Variants in NRXN3 observed in about 807,000 individuals in gnomAD.
NRXN3 encodes the protein neurexin 3, also known as neurexin III.
A neutral mutation model predicts 137.6 loss-of-function variants in NRXN3; 32 were observed. That is an observed-to-expected ratio of 0.23 (90% CI 0.18 to 0.31). NRXN3 has a LOEUF of 0.31. Ranked by LOEUF, NRXN3 falls within the 10% of genes least tolerant of loss-of-function variation. The pLI, the probability that NRXN3 is intolerant of heterozygous loss-of-function variation, is 1.00. For missense variants in NRXN3, 1,574 were observed against 2,062.5 expected (o/e 0.76, Z 4.59); for synonymous variants, 798 against 784.5 (o/e 1.02, Z -0.29).
rs750755766 is a variant in NRXN3 at position 78,957,255 on chromosome 14, G to A, written c.2289G>A (p.Glu763=). 34 of 1,613,950 alleles carry A rather than the reference G, an allele frequency of 2.1e-5. No homozygotes were observed. The Admixed American group carries it at 5.7e-4, about 27-fold the overall frequency. The part of the protein sequence containing the change: ...RINCNSSKGP[E]TLYAGQKLND... ...TACCATCCTTAGGCAAAGGACCAGA[G>A]ACCTTGTATGCAGGGCAGAAGCTCA... Residue 763 remains glutamate, a synonymous_variant, in exon 11 of 21, where the codon GAG becomes GAA. Coordinates refer to ENST00000335750, the MANE Select transcript of NRXN3 (RefSeq NM_001330195.2).
chr14:79,584,656 C>T lies in NRXN3; in HGVS notation c.3445-79122C>T, dbSNP rs74614278. Reference sequence around the variant, plus strand: ...GAGAATAGATTATTTCTCCCACAACCCAGCTACTGCTATGGGTACAGCTTT... The same window carrying T: ...GAGAATAGATTATTTCTCCCACAACTCAGCTACTGCTATGGGTACAGCTTT... On this transcript the variant is annotated intron_variant, in intron 16 of 20. Coordinates refer to ENST00000335750, the MANE Select transcript of NRXN3 (RefSeq NM_001330195.2). Among the ~76,000 whole-genome samples, 1,013 of 152,278 alleles carry T rather than the reference C, an allele frequency of 6.7e-3. 14 individuals carry two copies. The highest frequency in any genetic ancestry group is 0.045 in the Middle Eastern group (13 of 292).
intron 1 of NRXN3, among the ~76,000 whole-genome samples, chr14:78,176,586 A>T (rs1258729522): frequency 6.6e-6 from 1 of 152,176 alleles, no homozygotes; most frequent in Non-Finnish European, 1.5e-5. Context: ...GAGATGAATC[A>T]TCTGTCATCT....
At chr14:78,403,854 A>G (rs574732844) in intron 4 of NRXN3, 249 of 985,378 alleles carry the variant, frequency 2.5e-4, no homozygotes, top group Non-Finnish European at 2.9e-4. Context: ...CCATTCCTGC[A>G]GTGAAATTAA....
chr14:79,552,963 G>C (rs889140706), intron 16 of NRXN3, among the ~76,000 whole-genome samples: 1 of 151,660 alleles, frequency 6.6e-6, no homozygotes, highest in African/African-American at 2.4e-5. Context: ...TTCAGGGAGC[G>C]GTCAAAGACC....
chr14:79,362,306 C>G (rs576665198), intron 15 of NRXN3, among the ~76,000 whole-genome samples: 3 of 151,630 alleles, frequency 2.0e-5, no homozygotes, highest in African/African-American at 7.3e-5. Context: ...CCTCTCCCCC[C>G]ACCCCACCAC....
intron 16 of NRXN3, among the ~76,000 whole-genome samples, chr14:79,498,991 C>A (rs1406641853): frequency 6.6e-6 from 1 of 152,134 alleles, no homozygotes; most frequent in African/African-American, 2.4e-5. Context: ...CACTATGTTG[C>A]TCAGGGTGGT....
chr14:78,235,627 TA>T lies in NRXN3; in HGVS notation c.-703-6755del, dbSNP rs893960422. On this transcript the variant is annotated intron_variant, in intron 1 of 20. Coordinates refer to ENST00000335750, the MANE Select transcript of NRXN3 (RefSeq NM_001330195.2). ...AAAAAAAAGTGTTATAGTTAAAGGTTAAAAAAAAAGTCTCTTCCTGTCTCTC... is the reference window on the plus strand; with the variant it reads ...AAAAAAAAGTGTTATAGTTAAAGGTTAAAAAAAAGTCTCTTCCTGTCTCTC... 7.3e-5 allele frequency among the ~76,000 whole-genome samples: 11 copies of T among 151,192 alleles called. No individual in the cohort carries two copies. In the South Asian group the frequency reaches 1.5e-3, roughly 20 times the overall value.
At chr14:79,384,811 A>G (rs570228167) in intron 15 of NRXN3, among the ~76,000 whole-genome samples, 1 of 152,346 alleles carries the variant, frequency 6.6e-6, no homozygotes, top group Non-Finnish European at 1.5e-5. Context: ...GGGTAATAAT[A>G]GTTCCACGTT....
chr14:79,488,227 T>G (rs2096675822), intron 16 of NRXN3, among the ~76,000 whole-genome samples: 1 of 152,140 alleles, frequency 6.6e-6, no homozygotes, highest in Admixed American at 6.5e-5. Flanking sequence ...AAGAGTGTTC[T>G]GAGCTGAGGA....
At position 79,647,349 on chromosome 14, in the gene NRXN3, G is replaced by A. The variant is rs1390153642; in HGVS notation, c.3445-16429G>A. Among the ~76,000 whole-genome samples the A allele has an allele frequency of 1.5e-5, 2 of 135,570 alleles. 1 individual carries two copies. The highest frequency in any genetic ancestry group is 3.4e-5 in the Non-Finnish European group (2 of 58,338). 88.9% of individuals were successfully genotyped at this position (135,570 alleles called of 152,430 possible). A position where few individuals can be genotyped will look rare whatever the true frequency, so the allele number is the denominator to read the frequency against. On this transcript the variant is annotated intron_variant, in intron 16 of 20. Coordinates refer to ENST00000335750, the MANE Select transcript of NRXN3 (RefSeq NM_001330195.2). ...ATGCAGATAGATGCATGAACTCAGA[G>A]GACTAAAAATGTGTTTCCATGTAAT...
At chr14:79,450,502 C>G (rs1567161906) in intron 15 of NRXN3, among the ~76,000 whole-genome samples, 1 of 152,066 alleles carries the variant, frequency 6.6e-6, no homozygotes. Context: ...CATCATTCCA[C>G]ATAGTTTACA....
intron 4 of NRXN3, among the ~76,000 whole-genome samples, chr14:78,523,059 T>C (rs569648638): frequency 7.6e-4 from 115 of 152,316 alleles, no homozygotes; most frequent in African/African-American, 2.6e-3. Context: ...GGCTGATACA[T>C]TATATATCCA....
intron 4 of NRXN3, among the ~76,000 whole-genome samples, chr14:78,447,751 G>T (rs78644531): frequency 0.027 from 4,079 of 152,290 alleles, 176 homozygotes; most frequent in African/African-American, 0.086. Context: ...TGAAAATGGA[G>T]TCTGTGGGTT....
chr14:78,816,893 C>T (rs1176796522), intron 10 of NRXN3, among the ~76,000 whole-genome samples: 1 of 152,158 alleles, frequency 6.6e-6, no homozygotes, highest in Admixed American at 6.5e-5. Flanking sequence ...TCCCATAGAT[C>T]TTTTCCTCCC....
rs115353629 is a variant in NRXN3, at chr14:79,419,198, A to T, written c.3263-48023A>T. 8.5e-3 allele frequency among the ~76,000 whole-genome samples: 1,289 copies of T among 152,318 alleles called. 14 individuals are homozygous for T. Among genetic ancestry groups the T allele is most frequent in the African/African-American group, 0.029 (1,216 of 41,568 alleles). On this transcript the variant is annotated intron_variant, in intron 15 of 20. Transcript: ENST00000335750. ...GAAAGAAGTTCTTTCATTGAGATAAAAAGGGTCTTTGTATCTCTTTCTGTA... is the reference window on the plus strand; with the variant it reads ...GAAAGAAGTTCTTTCATTGAGATAATAAGGGTCTTTGTATCTCTTTCTGTA...
intron 15 of NRXN3, among the ~76,000 whole-genome samples, chr14:79,003,715 G>T (rs1389121430): frequency 6.6e-6 from 1 of 152,172 alleles, no homozygotes; most frequent in Non-Finnish European, 1.5e-5. Context: ...CTCTCCGGTG[G>T]AGTTTGACTG....
intron 10 of NRXN3, among the ~76,000 whole-genome samples, chr14:78,910,986 G>A (rs1430836034): frequency 1.3e-5 from 2 of 152,066 alleles, no homozygotes; most frequent in Non-Finnish European, 2.9e-5. Flanking sequence ...CAATAAATTT[G>A]ACTTTTCATA....
chr14:79,234,968 C>T (rs1194272752), intron 15 of NRXN3, among the ~76,000 whole-genome samples: 1 of 152,052 alleles, frequency 6.6e-6, no homozygotes, highest in African/African-American at 2.4e-5. Context: ...TGTGAGTCTC[C>T]TTTTCAAGTG....
intron 16 of NRXN3, among the ~76,000 whole-genome samples, chr14:79,525,783 CATA>C (rs1171368423): frequency 1.6e-4 from 25 of 152,324 alleles, no homozygotes; most frequent in East Asian, 3.9e-4. Flanking sequence ...TTTAAGTCAA[CATA>C]ATGCTAGCAA....
Sources: gnomAD v4.1 joint callset for allele counts (sites outside exome capture counted in the v4.1 genomes callset) on GRCh38, gnomAD v4.1.1 for gene constraint, MANE v1.5 for transcripts, NCBI Gene and HGNC (gene_info 2026-07-23, HGNC 2026-07-21) for gene names.